The following KLRG1 variants were observed in gnomAD, a reference collection of about 807,000 sequenced individuals.
KLRG1 encodes the protein killer cell lectin-like receptor subfamily G member 1.
In KLRG1, 16 loss-of-function variants were observed where a neutral mutation model predicts 21.8. That is an observed-to-expected ratio of 0.73 (90% CI 0.50 to 1.11). KLRG1 has a LOEUF of 1.11. Ranked by LOEUF, KLRG1 falls within the 50% of genes most tolerant of loss-of-function variation. The probability of loss-of-function intolerance (pLI) is 0.00; values close to 1 mark genes in which losing one functional copy is unlikely to be tolerated. For missense variants in KLRG1, 173 were observed against 218.3 expected (o/e 0.79, Z 1.31); for synonymous variants, 69 against 75.9 (o/e 0.91, Z 0.47).
chr12:9,151,723 T>C, the KLRG1 span: 1 of 1,439,572 alleles, frequency 6.9e-7, no homozygotes, highest in South Asian at 1.2e-5. Flanking sequence ...GATGTGAGAA[T>C]GGTGTGAGAT....
At chr12:9,131,814 A>C in the KLRG1 span, among the ~76,000 whole-genome samples, 4 of 152,030 alleles carry the variant, frequency 2.6e-5, no homozygotes, top group South Asian at 8.3e-4. Context: ...CTAAATTTCT[A>C]AGATATAACT....
chr12:9,100,197 C>A, the KLRG1 span, among the ~76,000 whole-genome samples: 1 of 152,208 alleles, frequency 6.6e-6, no homozygotes, highest in East Asian at 1.9e-4. Context: ...TAAATCATAA[C>A]TATCTTGAAA....
the KLRG1 span, among the ~76,000 whole-genome samples, chr12:9,149,813 T>C: frequency 6.6e-6 from 1 of 152,260 alleles, no homozygotes; most frequent in Admixed American, 6.5e-5. Flanking sequence ...CCTGTTCAGA[T>C]GGCAGCTGTT....
At chr12:9,148,894 T>A in the KLRG1 span, 2 of 1,291,148 alleles carry the variant, frequency 1.5e-6, no homozygotes, top group Non-Finnish European at 2.2e-6. Context: ...GTCTATTTTA[T>A]AGAGACAAAT....
the KLRG1 span, chr12:9,165,456 A>G: frequency 3.5e-6 from 5 of 1,428,434 alleles, no homozygotes; most frequent in Admixed American, 3.7e-5. Context: ...GCTAACGTCA[A>G]GAACTGAATC....
the KLRG1 span, among the ~76,000 whole-genome samples, chr12:9,214,991 C>G: frequency 1.3e-5 from 2 of 151,890 alleles, no homozygotes; most frequent in Non-Finnish European, 2.9e-5. Flanking sequence ...TGAAAGTTAA[C>G]CCATTTAACC....
At chr12:9,185,814 C>CTTTTCTTTTCTTTT in the KLRG1 span, among the ~76,000 whole-genome samples, 1 of 147,234 alleles carries the variant, frequency 6.8e-6, no homozygotes, top group Non-Finnish European at 1.5e-5. Flanking sequence ...CTTTTCTTTT[C>CTTTTCTTTTCTTTT]TTTTTTTTTT....
Position 8,965,460 on chromosome 12 carries a change from C to T in KLRG1, c.-156+15224C>T, listed in dbSNP as rs752167234. Among the ~76,000 whole-genome samples, 3 of 152,340 alleles carry T rather than the reference C, an allele frequency of 2.0e-5. No homozygotes were observed. In the South Asian group the frequency reaches 6.2e-4, roughly 32 times the overall value. Reference sequence around the variant, plus strand: ...ACCCCATTGTCTCTGCCCAAAATCTCCTCAAGCTGATAAGCAACTTCAGCA... The same window carrying T: ...ACCCCATTGTCTCTGCCCAAAATCTTCTCAAGCTGATAAGCAACTTCAGCA... On this transcript the variant is annotated intron_variant, in intron 1 of 4. Coordinates refer to the KLRG1 transcript ENST00000539240.
chr12:9,197,472 T>C, the KLRG1 span, among the ~76,000 whole-genome samples: 1 of 130,470 alleles, frequency 7.7e-6, no homozygotes, highest in African/African-American at 3.0e-5. Flanking sequence ...TAATATAATA[T>C]ATAATAATAT....
the KLRG1 span, among the ~76,000 whole-genome samples, chr12:9,086,543 T>A: frequency 6.6e-6 from 1 of 152,202 alleles, no homozygotes; most frequent in Admixed American, 6.5e-5. Context: ...GTAAAAACCA[T>A]ACCATCATCT....
the KLRG1 span, chr12:9,168,593 C>T: frequency 9.7e-6 from 3 of 310,270 alleles, no homozygotes; most frequent in Non-Finnish European, 1.8e-5. Flanking sequence ...ATTACTCTTT[C>T]TTTCCATTGT....
At chr12:8,974,904 TTC>T (rs746096083) in intron 1 of KLRG1, among the ~76,000 whole-genome samples, 1,112 of 65,116 alleles carry the variant, frequency 0.017, 14 homozygotes, top group African/African-American at 0.036. Flanking sequence ...CTTCTTCTTC[TTC>T]TTTTTTTGAG....
chr12:8,967,920 A>G (rs1324851938), intron 1 of KLRG1, among the ~76,000 whole-genome samples: 2 of 152,020 alleles, frequency 1.3e-5, no homozygotes, highest in Non-Finnish European at 1.5e-5. Context: ...TAGAGCAATC[A>G]TAACAGAAAG....
chr12:8,994,854 T>A (rs770335577), intron 2 of KLRG1, among the ~76,000 whole-genome samples: 1 of 152,248 alleles, frequency 6.6e-6, no homozygotes, highest in Non-Finnish European at 1.5e-5. Flanking sequence ...CAGATTGTTG[T>A]ATGCTTTCTT....
At chr12:9,098,416 G>A in the KLRG1 span, 1 of 332,972 alleles carries the variant, frequency 3.0e-6, no homozygotes, top group Non-Finnish European at 5.0e-6. Context: ...TTTTTTAACT[G>A]CAGAAGTGAG....
the KLRG1 span, chr12:9,162,729 G>T: frequency 8.7e-7 from 1 of 1,145,108 alleles, no homozygotes; most frequent in Non-Finnish European, 1.3e-6. Flanking sequence ...TTCTTTGATG[G>T]GTAGGGTTTA....
At chr12:9,076,933 G>C in the KLRG1 span, 1 of 1,583,376 alleles carries the variant, frequency 6.3e-7, no homozygotes, top group African/African-American at 1.3e-5. Flanking sequence ...CGGACAACAG[G>C]GTGCTGTGAA....
At chr12:8,972,626 C>G (rs150989934) in intron 1 of KLRG1, among the ~76,000 whole-genome samples, 2 of 152,104 alleles carry the variant, frequency 1.3e-5, no homozygotes, top group African/African-American at 4.8e-5. Flanking sequence ...ACTGTAAATA[C>G]GTGGATTTGT....
chr12:9,158,619 G>A, the KLRG1 span: 1 of 1,596,710 alleles, frequency 6.3e-7, no homozygotes, highest in African/African-American at 1.3e-5. Flanking sequence ...TTTTCATTGA[G>A]CACTTTACTG....
Sources: allele counts gnomAD v4.1 joint callset (sites outside exome capture counted in the v4.1 genomes callset), GRCh38; gene constraint gnomAD v4.1.1; transcripts MANE v1.5; gene names NCBI Gene and HGNC (gene_info 2026-07-23, HGNC 2026-07-21).